SV2C: variants seen among roughly 807,000 people sequenced by gnomAD.
SV2C encodes synaptic vesicle glycoprotein 2C.
In SV2C, 49 loss-of-function variants were observed where a neutral mutation model predicts 79.7. The ratio of observed to expected loss-of-function variants is 0.61; its 90% CI spans 0.49 to 0.78. The LOEUF is 0.78. SV2C is among the 30% of genes least tolerant of loss of function. The pLI is 0.00. For synonymous variants in SV2C, 334 were observed against 333.2 expected, an observed-to-expected ratio of 1.00 and a Z score of -0.03; for missense variants, 833 against 912.9, an observed-to-expected ratio of 0.91 and a Z score of 1.13.
the SV2C span, among the ~76,000 whole-genome samples, chr5:75,990,803 A>AT: frequency 3.9e-5 from 6 of 151,984 alleles, no homozygotes; most frequent in Non-Finnish European, 8.8e-5. Flanking sequence ...TTAAAGTATA[A>AT]TAAAAAAAAA....
At chr5:76,273,146 G>A (rs968398678) in intron 4 of SV2C, among the ~76,000 whole-genome samples, 33 of 129,104 alleles carry the variant, frequency 2.6e-4, no homozygotes, top group African/African-American at 9.6e-4. Flanking sequence ...TTACAAAAAA[G>A]ATATATATAT....
intron 2 of SV2C, among the ~76,000 whole-genome samples, chr5:76,165,410 G>A (rs1743017250): frequency 6.6e-6 from 1 of 152,060 alleles, no homozygotes. Context: ...TATCACATAT[G>A]TAGATTTATA....
At chr5:76,239,912 C>T (rs867874607) in intron 4 of SV2C, among the ~76,000 whole-genome samples, 1 of 152,164 alleles carries the variant, frequency 6.6e-6, no homozygotes, top group Non-Finnish European at 1.5e-5. Flanking sequence ...GCCCAACTCC[C>T]AGGAGGGCTA....
intron 1 of SV2C, among the ~76,000 whole-genome samples, chr5:76,098,992 A>G (rs2076891813): frequency 6.6e-6 from 1 of 152,142 alleles, no homozygotes; most frequent in Admixed American, 6.5e-5. Context: ...ATGAAGAACT[A>G]AGTTATTTGC....
At chr5:76,244,541 T>G (rs1221384133) in intron 4 of SV2C, among the ~76,000 whole-genome samples, 1 of 152,272 alleles carries the variant, frequency 6.6e-6, no homozygotes, top group Non-Finnish European at 1.5e-5. Flanking sequence ...CATTTCAACA[T>G]GTAATCAATA....
At chr5:76,222,295 C>T (rs1165030178) in intron 4 of SV2C, among the ~76,000 whole-genome samples, 1 of 152,102 alleles carries the variant, frequency 6.6e-6, no homozygotes, top group Non-Finnish European at 1.5e-5. Context: ...TGCTACTCAG[C>T]AATAGGAAAG....
intron 1 of SV2C, among the ~76,000 whole-genome samples, chr5:76,119,110 A>G (rs921781735): frequency 5.9e-5 from 9 of 152,262 alleles, no homozygotes; most frequent in Non-Finnish European, 1.3e-4. Flanking sequence ...TAAACAGCCT[A>G]CATGCCCAAT....
intron 4 of SV2C, among the ~76,000 whole-genome samples, chr5:76,216,968 G>A (rs546700103): frequency 3.3e-5 from 5 of 152,292 alleles, no homozygotes; most frequent in Admixed American, 1.3e-4. Context: ...ATTCATGTGC[G>A]CATCAGATGA....
At chr5:76,051,700 T>A in the SV2C span, among the ~76,000 whole-genome samples, 1 of 152,216 alleles carries the variant, frequency 6.6e-6, no homozygotes, top group Admixed American at 6.5e-5. Context: ...CATAAAAATC[T>A]AACCATCACA....
At chr5:76,006,404 G>A in the SV2C span, among the ~76,000 whole-genome samples, 1 of 152,110 alleles carries the variant, frequency 6.6e-6, no homozygotes, top group Non-Finnish European at 1.5e-5. Flanking sequence ...AGGCAATGTA[G>A]CTTATTCTGC....
chr5:76,345,369 T>C (rs931545361), intron 12 of SV2C, among the ~76,000 whole-genome samples: 2 of 152,034 alleles, frequency 1.3e-5, no homozygotes, highest in African/African-American at 4.8e-5. Context: ...ACAGGCAGGG[T>C]GGAAAAGATA....
In SV2C at chr5:76,330,488, A is replaced by T. The variant is rs1398784627; in HGVS notation, c.*4941A>T. 6.6e-6 allele frequency: 1 copy of T among 152,042 alleles called. No individual in the cohort carries two copies. The highest frequency in any genetic ancestry group is 1.5e-5 in the Non-Finnish European group (1 of 68,018). The allele number at this position is 152,042 out of a possible 1,614,324, so 9.4% of individuals were successfully genotyped here. A position where few individuals can be genotyped will look rare whatever the true frequency, so the allele number is the denominator to read the frequency against. ...ATAATTAAGCCTATGGAGGACTTAAATGAGGGCAAGGAAAACAGAATGAGA... is the reference window on the plus strand; with the variant it reads ...ATAATTAAGCCTATGGAGGACTTAATTGAGGGCAAGGAAAACAGAATGAGA... On this transcript the variant is annotated 3_prime_UTR_variant, in exon 13 of 13. Transcript: ENST00000502798.
chr5:75,886,297 C>A, the SV2C span, among the ~76,000 whole-genome samples: 1 of 152,048 alleles, frequency 6.6e-6, no homozygotes, highest in Non-Finnish European at 1.5e-5. Flanking sequence ...TCTCTTTTTG[C>A]TAAGGAAAAT....
At chr5:76,281,171 T>C (rs548960691) in intron 4 of SV2C, 4 of 537,016 alleles carry the variant, frequency 7.4e-6, no homozygotes, top group African/African-American at 3.9e-5. Flanking sequence ...CTAGGTTTAA[T>C]AGAAATCCTT....
the SV2C span, chr5:75,910,578 T>G: frequency 1.4e-6 from 1 of 697,028 alleles, no homozygotes. Flanking sequence ...TTCAGTGAGA[T>G]TGAGGAGAGA....
At chr5:75,982,294 G>C in the SV2C span, among the ~76,000 whole-genome samples, 13 of 150,242 alleles carry the variant, frequency 8.7e-5, no homozygotes, top group African/African-American at 2.9e-4. Context: ...CCATTAAAAA[G>C]TGGGCAAAGG....
At chr5:76,293,666 A>T (rs567697380) in intron 8 of SV2C, among the ~76,000 whole-genome samples, 1 of 152,280 alleles carries the variant, frequency 6.6e-6, no homozygotes, top group African/African-American at 2.4e-5. Flanking sequence ...ACCCCCACAG[A>T]CATTACTATG....
intron 4 of SV2C, among the ~76,000 whole-genome samples, chr5:76,259,022 A>G (rs533306841): frequency 2.0e-5 from 3 of 152,356 alleles, no homozygotes; most frequent in South Asian, 2.1e-4. Flanking sequence ...CTATATAAAC[A>G]TACCACAACT....
intron 2 of SV2C, among the ~76,000 whole-genome samples, chr5:76,175,481 A>G (rs1282756097): frequency 1.3e-5 from 2 of 152,208 alleles, no homozygotes; most frequent in African/African-American, 4.8e-5. Context: ...ATGTTTAGGT[A>G]TTAGTGACAG....
Sources: allele counts gnomAD v4.1 joint callset (sites outside exome capture counted in the v4.1 genomes callset), GRCh38; gene constraint gnomAD v4.1.1; transcripts MANE v1.5; gene names NCBI Gene and HGNC (gene_info 2026-07-23, HGNC 2026-07-21).